Variants in FLNA observed in about 807,000 individuals in gnomAD.
FLNA encodes filamin A, also known as filamin-A.
A neutral mutation model predicts 157.6 loss-of-function variants in FLNA; 7 were observed. That is an observed-to-expected ratio of 0.04 (90% CI 0.03 to 0.08). The LOEUF (loss-of-function observed/expected upper bound fraction) is 0.08. Ranked by LOEUF, FLNA falls within the 10% of genes least tolerant of loss-of-function variation. FLNA has a pLI of 1.00. For missense variants in FLNA, 1,750 were observed against 2,398.4 expected, an observed-to-expected ratio of 0.73 and a Z score of 5.65; for synonymous variants, 1,103 against 1,060.8, an observed-to-expected ratio of 1.04 and a Z score of -0.77.
Position 154,362,753 on chromosome X carries a change from T to C in FLNA, c.2312A>G (p.Lys771Arg). The C allele has an allele frequency of 1.7e-6, 2 of 1,203,840 alleles. No homozygotes were observed. The highest frequency in any genetic ancestry group is 3.6e-5 in the South Asian group (2 of 56,004). Reference sequence around the variant, plus strand: ...TACTCCGGGGCCGTATACTTTGACCTTGTTGGGGTGGCTGCCAGCTCCCAC... The same window carrying C: ...TACTCCGGGGCCGTATACTTTGACCCTGTTGGGGTGGCTGCCAGCTCCCAC... The part of the protein sequence containing the change: ...VNVGAGSHPN[K>R]VKVYGPGVAK... The change falls in exon 16 of 48, where the codon AAG (lysine) becomes AGG (arginine). Residue 771 changes from lysine to arginine, a missense_variant. Physicochemically the swap from Lys to Arg is conservative, Grantham distance 26. Transcript: ENST00000369850.
In FLNA at chrX:154,350,190, A is replaced by G. The variant is rs782645927; in HGVS notation, c.7174T>C (p.Phe2392Leu). The change falls in exon 45 of 48, where the codon TTC becomes CTC. Residue 2392 changes from phenylalanine (F) to leucine (L), a missense_variant. Phe to Leu is a conservative substitution (Grantham distance 22, BLOSUM62 0). Coordinates refer to ENST00000369850, the MANE Select transcript of FLNA (RefSeq NM_001110556.2). ...EIDQDKYAVR[F>L]IPRENGVYLI... Reference sequence around the variant, plus strand: ...TAAACGCCATTCTCCCGAGGGATGAAGCGCACAGCATACTTATCTGAGGAG... The same window carrying G: ...TAAACGCCATTCTCCCGAGGGATGAGGCGCACAGCATACTTATCTGAGGAG... 1.4e-5 allele frequency: 17 copies of G among 1,210,325 alleles called. No individual in the cohort carries two copies. The highest frequency in any genetic ancestry group is 1.9e-5 in the Non-Finnish European group (17 of 895,113).
Position 154,353,650 on chromosome X carries a change from C to T in FLNA, c.5764G>A (p.Val1922Met), listed in dbSNP as rs371366175. Residue 1922 changes from valine to methionine, a missense_variant, in exon 36 of 48, where the codon GTG becomes ATG. Around this residue, in one of 5 missense-constraint regions of FLNA, gnomAD observed 970 missense variants for 1,302.6 expected, o/e 0.74. Transcript: ENST00000369850. The stretch of plus-strand genomic sequence containing the variant: ...CCCGGCAGCACAGGCAGGTAGGACA[C>T]GCTGCATGTCCCATCCTGGTTGTCA... ...CTDNQDGTCS[V>M]SYLPVLPGDY... The T allele has an allele frequency of 3.1e-5, 37 of 1,209,579 alleles. No individual in the cohort carries two copies. The African/African-American group carries it at 4.3e-4, about 14-fold the overall frequency.
Position 154,353,030 on chromosome X carries a change from G to A in FLNA, c.6197C>T (p.Ala2066Val), listed in dbSNP as rs2067633292. The change falls in exon 38 of 48, where the codon GCA becomes GTA. Residue 2066 changes from alanine (A) to valine (V), a missense_variant. Around this residue, in one of 5 missense-constraint regions of FLNA, gnomAD observed 970 missense variants for 1,302.6 expected, o/e 0.74. Coordinates refer to ENST00000369850, the MANE Select transcript of FLNA (RefSeq NM_001110556.2). ...ATCGCGGGTATCAATGATAAACTCT[G>A]CAGGCTCAAAGGTGTGGCCTTCGTG... is the stretch of plus-strand genomic sequence containing the variant. ...GLHEGHTFEP[A>V]EFIIDTRDAG... 5 of 1,210,265 alleles carry A rather than the reference G, an allele frequency of 4.1e-6. No individual in the cohort carries two copies. Among genetic ancestry groups the A allele is most frequent in the Admixed American group, 2.2e-5 (1 of 45,963 alleles).
intron 21 of FLNA, 81 bp from the exon 22 acceptor site, chrX:154,360,668 C>T (rs2067699429): frequency 3.2e-6 from 3 of 936,489 alleles, no homozygotes; most frequent in Admixed American, 5.2e-5. Flanking sequence ...ACCTGCCTCC[C>T]CTTGCCCTGG....
rs1244000486 is a variant in FLNA at position 154,359,166 on chromosome X, G to A, written c.4304-12C>T. 7.4e-6 allele frequency: 9 copies of A among 1,210,036 alleles called. No homozygotes were observed. Among genetic ancestry groups the A allele is most frequent in the Non-Finnish European group, 1.0e-5 (9 of 895,291 alleles). On this transcript the variant is annotated splice_polypyrimidine_tract_variant and intron_variant, in intron 25 of 47. Transcript: ENST00000369850. ...CTTGAAAGGACTGCCTGAGGGTTGGGGCAAAGGGATGGCGGCTGTATGAGA... is the reference window on the plus strand; with the variant it reads ...CTTGAAAGGACTGCCTGAGGGTTGGAGCAAAGGGATGGCGGCTGTATGAGA...
At position 154,371,256 on chromosome X, in the gene FLNA, G is replaced by T. The variant is rs782490934; in HGVS notation, c.-11C>A. On this transcript the variant is annotated 5_prime_UTR_variant, in exon 2 of 48. Transcript: ENST00000369850. Reference sequence around the variant, plus strand: ...GTGGGAGCTACTCATTTTGAGGCGCGAGAAGCCGGGGGGGCGGTGCTGCAG... The same window carrying T: ...GTGGGAGCTACTCATTTTGAGGCGCTAGAAGCCGGGGGGGCGGTGCTGCAG... 3.3e-6 allele frequency: 4 copies of T among 1,199,394 alleles called. No individual in the cohort carries two copies. The highest frequency in any genetic ancestry group is 1.8e-5 in the South Asian group (1 of 55,623).
rs35015603 is a variant in FLNA at position 154,360,105 on chromosome X, G to A, written c.3690C>T (p.Thr1230=). ...TYIPLCPGAY[T]VTIKYGGQPV... ...GCTGGCCGCCGTACTTGATGGTGACGGTGTAGGCCCCGGGGCAGAGGGGAA... is the reference window on the plus strand; with the variant it reads ...GCTGGCCGCCGTACTTGATGGTGACAGTGTAGGCCCCGGGGCAGAGGGGAA... The change falls in exon 22 of 48, where the codon ACC becomes ACT. Residue 1230 remains threonine, a synonymous_variant. Coordinates refer to ENST00000369850, the MANE Select transcript of FLNA (RefSeq NM_001110556.2). 1,604 of 1,210,007 alleles carry A rather than the reference G, an allele frequency of 1.3e-3. 5 individuals carry two copies. In the African/African-American group the frequency reaches 0.024, roughly 18 times the overall value.
In FLNA at chrX:154,360,369, G is replaced by A. The variant is rs2067695974; in HGVS notation, c.3426C>T (p.Asp1142=). ...GDYNINILFA[D]THIPGSPFKA... Reference sequence around the variant, plus strand: ...TGAATGGGGAGCCAGGGATGTGGGTGTCAGCGAAGAGGATGTTGATGTTGT... The same window carrying A: ...TGAATGGGGAGCCAGGGATGTGGGTATCAGCGAAGAGGATGTTGATGTTGT... The change falls in exon 22 of 48, where the codon GAC becomes GAT. Residue 1142 remains aspartate, a synonymous_variant. Transcript: ENST00000369850. 2 of 1,211,648 alleles carry A rather than the reference G, an allele frequency of 1.7e-6. No homozygotes were observed. The highest frequency in any genetic ancestry group is 1.7e-5 in the African/African-American group (1 of 58,041).
intron 38 of FLNA, 30 bp downstream of exon 38, chrX:154,352,971 C>A (rs1391188229): frequency 2.5e-6 from 3 of 1,210,435 alleles, no homozygotes; most frequent in Non-Finnish European, 3.4e-6. Context: ...ACAGTGCTCC[C>A]GCCCCAGCTG....
At chrX:154,365,048 T>C (rs2067746026) in intron 11 of FLNA, 88 bp downstream of exon 11, 2 of 1,202,248 alleles carry the variant, frequency 1.7e-6, no homozygotes, top group Non-Finnish European at 2.3e-6. Flanking sequence ...GAAGAGCCCA[T>C]GTGGCCCCTC....
chrX:154,348,854 G>A lies in FLNA; in HGVS notation c.7939C>T (p.Pro2647Ser). 1 of 1,203,516 alleles carries A rather than the reference G, an allele frequency of 8.3e-7. No homozygotes were observed. Among genetic ancestry groups the A allele is most frequent in the Non-Finnish European group, 1.1e-6 (1 of 889,891 alleles). The part of the protein sequence containing the change: ...IPGSPYRVVV[P>S] Reference sequence around the variant, plus strand: ...GGCTGGCACGGGCCCCAGACTCAGGGCACCACAACGCGGTAGGGGCTGCCT... The same window carrying A: ...GGCTGGCACGGGCCCCAGACTCAGGACACCACAACGCGGTAGGGGCTGCCT... Residue 2647 changes from proline (P) to serine (S), a missense_variant, in exon 48 of 48, where the codon CCC becomes TCC. Transcript: ENST00000369850.
In FLNA at chrX:154,374,592, G is replaced by C. The variant is rs1480564584; in HGVS notation, c.-203C>G. The C allele has an allele frequency of 2.7e-5, 3 of 111,799 alleles. No individual in the cohort carries two copies. Among genetic ancestry groups the C allele is most frequent in the East Asian group, 5.7e-4 (2 of 3,499 alleles). 9.2% of individuals were successfully genotyped at this position (111,799 alleles called of 1,213,427 possible). The stretch of plus-strand genomic sequence containing the variant: ...CGCCCGCGCCCGCGCCAGGCGCCTC[G>C]GGGATTCTGTCGGCGTCCGCTGCGC... On this transcript the variant is annotated 5_prime_UTR_variant, in exon 1 of 48. Coordinates refer to ENST00000369850, the MANE Select transcript of FLNA (RefSeq NM_001110556.2).
chrX:154,372,870 G>A (rs1259089535), intron 1 of FLNA, among the ~76,000 whole-genome samples: 1 of 112,056 alleles, frequency 8.9e-6, no homozygotes, highest in Non-Finnish European at 1.9e-5. Context: ...TGACTCTCCT[G>A]TAGCCCTGGG....
rs782612779 is a variant in FLNA at position 154,350,043 on chromosome X, C to A, written c.7321G>T (p.Gly2441Cys). 1 of 1,211,796 alleles carries A rather than the reference C, an allele frequency of 8.3e-7. No homozygotes were observed. The highest frequency in any genetic ancestry group is 2.2e-5 in the Admixed American group (1 of 46,122). Residue 2441 changes from glycine (G) to cysteine (C), a missense_variant, in exon 45 of 48, where the codon GGC becomes TGC. By Grantham distance (159) the Gly-to-Cys change is radical. Transcript: ENST00000369850. The part of the protein sequence containing the change: ...LVSAYGAGLE[G>C]GVTGNPAEFV... ...CCGACAGACTTACCTGTGACACCGC[C>A]TTCCAGACCTGCTCCGTAAGCAGAC...
chrX:154,352,509 G>C, intron 40 of FLNA, 44 bp downstream of exon 40: 2 of 1,210,754 alleles, frequency 1.7e-6, no homozygotes, highest in Non-Finnish European at 2.2e-6. Context: ...TCTTGGGGCT[G>C]CTTGAGCCCC....
At position 154,366,244 on chromosome X, in the gene FLNA, C is replaced by T. The variant is rs782615109; in HGVS notation, c.1229-20G>A. On this transcript the variant is annotated intron_variant, in intron 8 of 47. Coordinates refer to ENST00000369850, the MANE Select transcript of FLNA (RefSeq NM_001110556.2). Reference sequence around the variant, plus strand: ...CAGCTCCTGCCACGAGGCACCTGCTCAGCTCCCAGGCCCCAGTGCGGCTCT... The same window carrying T: ...CAGCTCCTGCCACGAGGCACCTGCTTAGCTCCCAGGCCCCAGTGCGGCTCT... 1.7e-6 allele frequency: 2 copies of T among 1,211,078 alleles called. No homozygotes were observed. The highest frequency in any genetic ancestry group is 3.5e-5 in the African/African-American group (2 of 57,897).
chrX:154,370,786 G>T, intron 2 of FLNA, 87 bp downstream of exon 2: 1 of 1,011,619 alleles, frequency 9.9e-7, no homozygotes, highest in East Asian at 3.3e-5. Context: ...CCCGGAAGGG[G>T]GTGGTTTGGA....
At chrX:154,353,877 C>T (rs782820518) in intron 35 of FLNA, 38 bp downstream of exon 35, 29 of 1,209,103 alleles carry the variant, frequency 2.4e-5, no homozygotes, top group Middle Eastern at 2.4e-4. Context: ...GAGGGCATCC[C>T]GGGCACAGAG....
rs1557175754 is a variant in FLNA, at chrX:154,351,479, CA to C, written c.7023+101del. The C allele has an allele frequency of 1.1e-5, 6 of 570,966 alleles. No homozygotes were observed. In the East Asian group the frequency reaches 1.1e-4, roughly 10 times the overall value. The allele number at this position is 570,966 out of a possible 1,213,427, so 47.1% of individuals were successfully genotyped here. On this transcript the variant is annotated intron_variant, in intron 43 of 47. Coordinates refer to ENST00000369850, the MANE Select transcript of FLNA (RefSeq NM_001110556.2). ...AGAGGCCTGGAACCCAGAGCTGGGC[CA>C]GGGGGGTCACTGAACACAGGGCCAA...
Sources: gnomAD v4.1 joint callset for allele counts (sites outside exome capture counted in the v4.1 genomes callset) on GRCh38, gnomAD v4.1.1 for gene constraint, gnomAD v4.1.1 regional missense constraint, MANE v1.5 for transcripts, NCBI Gene and HGNC (gene_info 2026-07-23, HGNC 2026-07-21) for gene names.